The following MARCHF4 variants were observed in gnomAD, a reference collection of about 807,000 sequenced individuals.
The protein encoded by MARCHF4 is membrane associated ring-CH-type finger 4, also known as E3 ubiquitin-protein ligase MARCHF4.
MARCHF4 carries 14 observed loss-of-function variants against 43.9 expected under a neutral mutation model. That is an observed-to-expected ratio of 0.32 (90% CI 0.21 to 0.50). MARCHF4 has a LOEUF of 0.50. Among genes scored for constraint, MARCHF4 ranks in the 20% least tolerant of loss-of-function variants. MARCHF4 has a pLI of 0.98. For synonymous variants in MARCHF4, 226 were observed against 213.3 expected, an observed-to-expected ratio of 1.06 and a Z score of -0.52; for missense variants, 468 against 536.7, an observed-to-expected ratio of 0.87 and a Z score of 1.27.
At chr2:216,310,069 G>A in intron 1 of MARCHF4, among the ~76,000 whole-genome samples, 1 of 146,128 alleles carries the variant, frequency 6.8e-6, no homozygotes, top group East Asian at 2.0e-4. Flanking sequence ...TTTTATGATA[G>A]GCAAAGTATA....
chr2:216,339,740 C>G (rs1423139147), intron 1 of MARCHF4, among the ~76,000 whole-genome samples: 3 of 152,144 alleles, frequency 2.0e-5, no homozygotes, highest in Admixed American at 2.0e-4. Context: ...GGGGCAGGCA[C>G]TGACTTAGGG....
intron 1 of MARCHF4, among the ~76,000 whole-genome samples, chr2:216,367,490 C>T (rs934886239): frequency 1.3e-5 from 2 of 152,166 alleles, no homozygotes; most frequent in Non-Finnish European, 2.9e-5. Context: ...GTGTTCTCCA[C>T]ATCTAATGCA....
At chr2:216,336,007 G>A (rs1254409534) in intron 1 of MARCHF4, among the ~76,000 whole-genome samples, 1 of 143,752 alleles carries the variant, frequency 7.0e-6, no homozygotes, top group Non-Finnish European at 1.5e-5. Context: ...GGTGGAGGTT[G>A]CAGTGAGCCG....
chr2:216,275,337 G>A (rs537254464), intron 3 of MARCHF4, among the ~76,000 whole-genome samples: 50 of 152,280 alleles, frequency 3.3e-4, no homozygotes, highest in African/African-American at 1.0e-3. Context: ...CAGGCTGAGC[G>A]GGAGTGCTGG....
intron 1 of MARCHF4, among the ~76,000 whole-genome samples, chr2:216,322,976 G>C (rs1691925966): frequency 6.6e-6 from 1 of 152,152 alleles, no homozygotes; most frequent in Non-Finnish European, 1.5e-5. Flanking sequence ...ATTTTTCTTG[G>C]AAAGAAGCTA....
At chr2:216,366,649 G>A (rs1692670548) in intron 1 of MARCHF4, among the ~76,000 whole-genome samples, 2 of 152,116 alleles carry the variant, frequency 1.3e-5, no homozygotes, top group South Asian at 4.1e-4. Context: ...TCATTTAGGT[G>A]TCAGCTCAGA....
chr2:216,340,804 T>C (rs1692224513), intron 1 of MARCHF4, among the ~76,000 whole-genome samples: 1 of 152,142 alleles, frequency 6.6e-6, no homozygotes, highest in African/African-American at 2.4e-5. Flanking sequence ...TAAAACAATA[T>C]GTGGGGGCCA....
intron 1 of MARCHF4, among the ~76,000 whole-genome samples, chr2:216,316,427 C>G (rs1691777485): frequency 1.3e-5 from 2 of 152,014 alleles, no homozygotes; most frequent in Admixed American, 6.6e-5. Context: ...CAAAATCTTG[C>G]AAAAACAGGG....
chr2:216,277,748 C>T lies in MARCHF4; in HGVS notation c.789G>A (p.Ser263=), dbSNP rs752926848. 8.7e-6 allele frequency: 14 copies of T among 1,613,988 alleles called. No homozygotes were observed. The highest frequency in any genetic ancestry group is 3.3e-5 in the Admixed American group (2 of 60,002). The part of the protein sequence containing the change: ...SWLIWSTFSP[S]ARWQRQDLLF... ...GAAGGTCTTGGCGCTGCCATCTTGC[C>T]GAGGGGCTGAAAGTTGACCAGATGA... The change falls in exon 3 of 4, where the codon TCG becomes TCA. Residue 263 remains serine (S), a synonymous_variant. Coordinates refer to ENST00000273067, the MANE Select transcript of MARCHF4 (RefSeq NM_020814.3).
At chr2:216,309,712 A>G (rs777892336) in intron 1 of MARCHF4, among the ~76,000 whole-genome samples, 12 of 152,250 alleles carry the variant, frequency 7.9e-5, no homozygotes, top group Non-Finnish European at 1.6e-4. Flanking sequence ...CCACATGGAG[A>G]GACCTGAGCT....
chr2:216,337,849 C>A (rs1187942323), intron 1 of MARCHF4, among the ~76,000 whole-genome samples: 2 of 152,140 alleles, frequency 1.3e-5, no homozygotes, highest in African/African-American at 4.8e-5. Context: ...GGGTTTGCAT[C>A]CTCTAACTGT....
At chr2:216,320,174 C>A (rs773198346) in intron 1 of MARCHF4, among the ~76,000 whole-genome samples, 1 of 152,154 alleles carries the variant, frequency 6.6e-6, no homozygotes, top group East Asian at 1.9e-4. Context: ...AACCCGTAAA[C>A]TATATCAGCT....
At chr2:216,268,231 G>A (rs1211014022) in intron 3 of MARCHF4, among the ~76,000 whole-genome samples, 2 of 152,102 alleles carry the variant, frequency 1.3e-5, no homozygotes, top group East Asian at 1.9e-4. Flanking sequence ...GGAGGTTGTC[G>A]GTTTCACCCC....
chr2:216,282,818 A>G (rs1691151030), intron 2 of MARCHF4, among the ~76,000 whole-genome samples: 1 of 152,102 alleles, frequency 6.6e-6, no homozygotes, highest in Non-Finnish European at 1.5e-5. Flanking sequence ...GCCTTTCCAC[A>G]GTAGCTTTTT....
chr2:216,308,973 G>A (rs1324529585), intron 1 of MARCHF4, among the ~76,000 whole-genome samples: 1 of 152,200 alleles, frequency 6.6e-6, no homozygotes, highest in African/African-American at 2.4e-5. Context: ...CAGAAGCAAA[G>A]TACTTGGAGA....
intron 2 of MARCHF4, among the ~76,000 whole-genome samples, chr2:216,282,301 T>TACAC (rs1691141925): frequency 6.6e-6 from 1 of 151,882 alleles, no homozygotes; most frequent in Admixed American, 6.6e-5. Flanking sequence ...CACACACACA[T>TACAC]ACACACACAC....
intron 1 of MARCHF4, among the ~76,000 whole-genome samples, chr2:216,337,623 G>A (rs1216849682): frequency 2.6e-5 from 4 of 152,142 alleles, no homozygotes; most frequent in South Asian, 4.1e-4. Flanking sequence ...GCCAGGACAC[G>A]CTTCCAAGGT....
intron 1 of MARCHF4, among the ~76,000 whole-genome samples, chr2:216,299,721 A>C (rs1173754284): frequency 1.3e-5 from 2 of 152,158 alleles, no homozygotes; most frequent in Non-Finnish European, 2.9e-5. Context: ...TGCATTCCAA[A>C]ATTAGTGTCT....
At chr2:216,284,294 G>A (rs7608091) in intron 1 of MARCHF4, among the ~76,000 whole-genome samples, 90 of 152,238 alleles carry the variant, frequency 5.9e-4, no homozygotes, top group African/African-American at 2.2e-3. Flanking sequence ...CTGGCTGGGG[G>A]TAGCTAGGAA....
Sources: gnomAD v4.1 joint callset for allele counts (sites outside exome capture counted in the v4.1 genomes callset) on GRCh38, gnomAD v4.1.1 for gene constraint, MANE v1.5 for transcripts, NCBI Gene and HGNC (gene_info 2026-07-23, HGNC 2026-07-21) for gene names.